The following COX15 variants were observed in gnomAD, a reference collection of about 807,000 sequenced individuals.
The protein encoded by COX15 is cytochrome c oxidase assembly factor COX15.
A neutral mutation model predicts 51.9 loss-of-function variants in COX15; 51 were observed. The observed-to-expected ratio is 0.98, with a 90% CI of 0.78 to 1.24. The LOEUF is 1.24. COX15 is among the 50% of genes most tolerant of loss of function. COX15 has a pLI of 0.00. For missense variants in COX15, 420 were observed against 501.1 expected (o/e 0.84, Z 1.55); for synonymous variants, 188 against 190.5 (o/e 0.99, Z 0.11).
chr10:99,718,760 G>T (rs1482483143), intron 6 of COX15, among the ~76,000 whole-genome samples: 2 of 152,014 alleles, frequency 1.3e-5, no homozygotes, highest in Non-Finnish European at 2.9e-5. Context: ...CTGTGGTGTG[G>T]GGGGAGGGGG....
chr10:99,710,121 A>G (rs1590073344), downstream of COX15: 3 of 985,326 alleles, frequency 3.0e-6, no homozygotes, highest in Non-Finnish European at 3.6e-6. Flanking sequence ...CCACTTGTAT[A>G]CCCTCTGGTG....
At chr10:99,710,146 T>A, downstream of COX15, 1 of 985,300 alleles carries the variant, frequency 1.0e-6, no homozygotes, top group Non-Finnish European at 1.2e-6. Flanking sequence ...CTCCTCCTTC[T>A]CCACTCCAAG....
In COX15 at chr10:99,712,784, G is replaced by A. The variant is rs984114304; in HGVS notation, c.*1803C>T. 6.0e-6 allele frequency: 2 copies of A among 335,838 alleles called. No individual in the cohort carries two copies. Among genetic ancestry groups the A allele is most frequent in the Non-Finnish European group, 8.5e-6 (2 of 235,490 alleles). 20.8% of individuals were successfully genotyped at this position (335,838 alleles called of 1,614,324 possible). On this transcript the variant is annotated 3_prime_UTR_variant, in exon 9 of 9. Transcript: ENST00000016171. ...CTGACCCCAGTGAGCATTTGATTTG[G>A]TCTACCCTACTCTTGCCTTCTACAG...
chr10:99,702,717 A>G, the COX15 span: 2 of 1,528,760 alleles, frequency 1.3e-6, no homozygotes, highest in South Asian at 1.3e-5. Flanking sequence ...CTCAGAGGAT[A>G]TCAGTTGATG....
At chr10:99,718,528 T>G (rs780979374) in intron 6 of COX15, 28 bp from the exon 7 acceptor site, 67 of 1,613,392 alleles carry the variant, frequency 4.2e-5, no homozygotes, top group Non-Finnish European at 5.5e-5. Flanking sequence ...TGGTATTTAT[T>G]AAAATGAGAG....
chr10:99,709,513 A>G (rs1034188399), downstream of COX15: 9 of 983,964 alleles, frequency 9.1e-6, no homozygotes, highest in African/African-American at 1.4e-4. Flanking sequence ...AAAAGTTGTG[A>G]TTAATAATAA....
downstream of COX15, chr10:99,709,531 A>G: frequency 1.0e-6 from 1 of 983,486 alleles, no homozygotes; most frequent in African/African-American, 1.7e-5. Flanking sequence ...TAACAGGATT[A>G]TTAGTCAATA....
At chr10:99,703,570 ACTG>A in the COX15 span, among the ~76,000 whole-genome samples, 1 of 152,216 alleles carries the variant, frequency 6.6e-6, no homozygotes, top group African/African-American at 2.4e-5. Flanking sequence ...CTGGATCTGG[ACTG>A]CTGAAGAGTG....
At chr10:99,699,714 A>G in the COX15 span, among the ~76,000 whole-genome samples, 7 of 152,176 alleles carry the variant, frequency 4.6e-5, no homozygotes, top group Non-Finnish European at 1.0e-4. Context: ...ACAGATGCCC[A>G]CCACCATGCC....
the COX15 span, chr10:99,698,526 T>C: frequency 6.2e-7 from 1 of 1,611,258 alleles, no homozygotes; most frequent in South Asian, 1.1e-5. Context: ...TTTTTGTCAT[T>C]GTGGCAGATT....
chr10:99,699,496 G>A, the COX15 span, among the ~76,000 whole-genome samples: 1 of 152,182 alleles, frequency 6.6e-6, no homozygotes, highest in East Asian at 1.9e-4. Flanking sequence ...CTTTATTTAG[G>A]GCCATCTCTT....
chr10:99,727,569 G>T lies in COX15; in HGVS notation c.273-6C>A. ...AGAGGCCAGACTCTGTCAACCTTAGGATAGGAAAGAAATTTTGGGGTGTAT... is the reference window on the plus strand; with the variant it reads ...AGAGGCCAGACTCTGTCAACCTTAGTATAGGAAAGAAATTTTGGGGTGTAT... On this transcript the variant is annotated splice_region_variant and splice_polypyrimidine_tract_variant and intron_variant, in intron 2 of 8. Transcript: ENST00000016171. The T allele has an allele frequency of 6.2e-7, 1 of 1,613,074 alleles. No individual in the cohort carries two copies.
At position 99,732,003 on chromosome 10, in the gene COX15, T is replaced by G. The variant is rs766993411; in HGVS notation, c.47A>C (p.Gln16Pro). Reference sequence around the variant, plus strand: ...CCTAGGAGCCAGGAGCGGCAGATACTGCCTCCCCTTCAAGGCCCTCAACGG... The same window carrying G: ...CCTAGGAGCCAGGAGCGGCAGATACGGCCTCCCCTTCAAGGCCCTCAACGG... ...FPPLRALKGR[Q>P]YLPLLAPRAA... The change falls in exon 1 of 9, where the codon CAG (glutamine) becomes CCG (proline). Residue 16 changes from glutamine to proline, a missense_variant. Coordinates refer to ENST00000016171, the MANE Select transcript of COX15 (RefSeq NM_078470.6). 3 of 1,613,124 alleles carry G rather than the reference T, an allele frequency of 1.9e-6. No homozygotes were observed. The highest frequency in any genetic ancestry group is 2.5e-6 in the Non-Finnish European group (3 of 1,179,774).
At chr10:99,696,216 C>T in the COX15 span, 3 of 1,417,608 alleles carry the variant, frequency 2.1e-6, no homozygotes, top group Non-Finnish European at 1.9e-6. Context: ...CAGATAAGTC[C>T]CTGCTTCCTC....
At chr10:99,721,675 T>TA (rs1178658716) in intron 5 of COX15, among the ~76,000 whole-genome samples, 1 of 152,154 alleles carries the variant, frequency 6.6e-6, no homozygotes, top group Non-Finnish European at 1.5e-5. Flanking sequence ...TATGAAAAGT[T>TA]AGGTATCATT....
In COX15 at chr10:99,711,246, C is replaced by T; in HGVS notation, c.*3341G>A. ...GTAAAACATCTGAAACCTTAACTTA[C>T]TCATGAGTTGCTACTTCCTTGGAGG... On this transcript the variant is annotated 3_prime_UTR_variant, in exon 9 of 9. Transcript: ENST00000016171. 1 of 985,332 alleles carries T rather than the reference C, an allele frequency of 1.0e-6. No individual in the cohort carries two copies. The highest frequency in any genetic ancestry group is 1.2e-6 in the Non-Finnish European group (1 of 829,874). 61.0% of individuals were successfully genotyped at this position (985,332 alleles called of 1,614,324 possible). A position where few individuals can be genotyped will look rare whatever the true frequency, so the allele number is the denominator to read the frequency against.
chr10:99,713,643 T>C lies in COX15; in HGVS notation c.*944A>G. On this transcript the variant is annotated 3_prime_UTR_variant, in exon 9 of 9. Coordinates refer to ENST00000016171, the MANE Select transcript of COX15 (RefSeq NM_078470.6). ...CAATTTATACTGTCGATTCCATTCC[T>C]CTCTCTGACCTTGTAATGTTAACAG... 1 of 1,015,886 alleles carries C rather than the reference T, an allele frequency of 9.8e-7. No homozygotes were observed. Among genetic ancestry groups the C allele is most frequent in the Non-Finnish European group, 1.4e-6 (1 of 697,350 alleles). 62.9% of individuals were successfully genotyped at this position (1,015,886 alleles called of 1,614,324 possible).
chr10:99,712,363 A>T lies in COX15; in HGVS notation c.*2224T>A. The T allele has an allele frequency of 1.0e-6, 1 of 985,440 alleles. No homozygotes were observed. Among genetic ancestry groups the T allele is most frequent in the Non-Finnish European group, 1.2e-6 (1 of 829,928 alleles). The allele number at this position is 985,440 out of a possible 1,614,324, so 61.0% of individuals were successfully genotyped here. A position where few individuals can be genotyped will look rare whatever the true frequency, so the allele number is the denominator to read the frequency against. ...ACGTTAAGCCTGCATAACATTTTTT[A>T]AAATCTTGAAATTAGTTCCCAACAC... is the stretch of plus-strand genomic sequence containing the variant. On this transcript the variant is annotated 3_prime_UTR_variant, in exon 9 of 9. Coordinates refer to ENST00000016171, the MANE Select transcript of COX15 (RefSeq NM_078470.6).
At chr10:99,725,631 C>A (rs751797368) in intron 4 of COX15, among the ~76,000 whole-genome samples, 3 of 152,190 alleles carry the variant, frequency 2.0e-5, no homozygotes, top group Non-Finnish European at 4.4e-5. Flanking sequence ...AACCTCTCAG[C>A]TCGCTGCAAC....
Sources: gnomAD v4.1 joint callset for allele counts (sites outside exome capture counted in the v4.1 genomes callset) on GRCh38, gnomAD v4.1.1 for gene constraint, MANE v1.5 for transcripts, NCBI Gene and HGNC (gene_info 2026-07-23, HGNC 2026-07-21) for gene names.